The following PLPP4 variants were observed in gnomAD, a reference collection of about 807,000 sequenced individuals.
The protein encoded by PLPP4 is diacylglycerol pyrophosphate like 2.
A neutral mutation model predicts 32.2 loss-of-function variants in PLPP4; 20 were observed. That is an observed-to-expected ratio of 0.62 (90% CI 0.44 to 0.90). The LOEUF (loss-of-function observed/expected upper bound fraction) is 0.90. Ranked by LOEUF, PLPP4 falls within the 40% of genes least tolerant of loss-of-function variation. The pLI, the probability that PLPP4 is intolerant of heterozygous loss-of-function variation, is 0.00. For missense variants in PLPP4, 257 were observed against 353.1 expected (o/e 0.73, Z 2.18); for synonymous variants, 127 against 133.0 (o/e 0.95, Z 0.31).
At chr10:120,569,742 A>C (rs1232398723) in intron 5 of PLPP4, among the ~76,000 whole-genome samples, 1 of 152,224 alleles carries the variant, frequency 6.6e-6, no homozygotes, top group South Asian at 2.1e-4. Context: ...AATAGGGTCC[A>C]GGTATATTTG....
intron 5 of PLPP4, among the ~76,000 whole-genome samples, chr10:120,543,434 G>A (rs1239929724): frequency 6.6e-6 from 1 of 152,128 alleles, no homozygotes; most frequent in African/African-American, 2.4e-5. Context: ...TTGGTGCTCA[G>A]ATGAGGGTGT....
intron 5 of PLPP4, among the ~76,000 whole-genome samples, chr10:120,571,554 C>A (rs1338248555): frequency 6.6e-6 from 1 of 152,110 alleles, no homozygotes; most frequent in Non-Finnish European, 1.5e-5. Context: ...TCTTGGACAG[C>A]CTTCCTGGTT....
At chr10:120,504,316 G>T (rs1845397978) in intron 2 of PLPP4, among the ~76,000 whole-genome samples, 1 of 152,174 alleles carries the variant, frequency 6.6e-6, no homozygotes, top group Non-Finnish European at 1.5e-5. Context: ...CGTCTCCATT[G>T]GCTGGAGCCA....
chr10:120,570,727 G>T (rs796389757), intron 5 of PLPP4, among the ~76,000 whole-genome samples: 5 of 152,244 alleles, frequency 3.3e-5, no homozygotes, highest in African/African-American at 1.2e-4. Flanking sequence ...ACTCATCTGG[G>T]TTGCTGGAGA....
intron 5 of PLPP4, among the ~76,000 whole-genome samples, chr10:120,528,416 C>T (rs2133928879): frequency 6.6e-6 from 1 of 152,286 alleles, no homozygotes; most frequent in African/African-American, 2.4e-5. Flanking sequence ...ATGGCATGGG[C>T]TGCTTAGGTC....
chr10:120,551,953 T>G (rs1346564872), intron 5 of PLPP4, among the ~76,000 whole-genome samples: 8 of 152,192 alleles, frequency 5.3e-5, no homozygotes, highest in African/African-American at 1.9e-4. Flanking sequence ...TCCTAACTTT[T>G]TTTTACAATT....
intron 5 of PLPP4, among the ~76,000 whole-genome samples, chr10:120,523,408 T>G (rs935973642): frequency 1.3e-5 from 2 of 152,192 alleles, no homozygotes; most frequent in Admixed American, 6.5e-5. Flanking sequence ...CATGTTTTTT[T>G]CCTCTATGCA....
intron 1 of PLPP4, among the ~76,000 whole-genome samples, chr10:120,471,651 C>T (rs910665102): frequency 6.6e-6 from 1 of 151,978 alleles, no homozygotes; most frequent in African/African-American, 2.4e-5. Context: ...ATATGGCTCT[C>T]GTAAATAGCA....
At chr10:120,494,980 T>G (rs1304201183) in intron 1 of PLPP4, among the ~76,000 whole-genome samples, 2 of 152,106 alleles carry the variant, frequency 1.3e-5, no homozygotes, top group Non-Finnish European at 2.9e-5. Context: ...ATTGAGCTGG[T>G]GGGGAAAGCA....
In PLPP4 at chr10:120,591,022, G is replaced by A. The variant is rs146299128; in HGVS notation, c.*1520G>A. Among the ~76,000 whole-genome samples, 51 of 152,168 alleles carry A rather than the reference G, an allele frequency of 3.4e-4. No homozygotes were observed. In the East Asian group the frequency reaches 9.5e-3, roughly 28 times the overall value. On this transcript the variant is annotated 3_prime_UTR_variant, in exon 7 of 7. Coordinates refer to ENST00000398250, the MANE Select transcript of PLPP4 (RefSeq NM_001030059.3). ...AGCCTCAAGTGATCTGCCCACCTCG[G>A]CCTCCCAAAGTGCTGGGATTATAAG...
chr10:120,538,085 T>TGTGTG (rs71019774), intron 5 of PLPP4, among the ~76,000 whole-genome samples: 25 of 127,702 alleles, frequency 2.0e-4, no homozygotes, highest in South Asian at 2.9e-4. Flanking sequence ...TGTGTGTGTG[T>TGTGTG]TTTCAGATTC....
chr10:120,565,927 A>G (rs1322830798), intron 5 of PLPP4, among the ~76,000 whole-genome samples: 1 of 151,922 alleles, frequency 6.6e-6, no homozygotes, highest in Non-Finnish European at 1.5e-5. Context: ...CTATCTTTCA[A>G]TTTGCTAATT....
At chr10:120,498,334 G>C (rs554102164) in intron 1 of PLPP4, among the ~76,000 whole-genome samples, 1 of 152,144 alleles carries the variant, frequency 6.6e-6, no homozygotes. Context: ...AGGTGAGACT[G>C]GCACTGCTGC....
At chr10:120,542,627 CAT>C (rs1325271508) in intron 5 of PLPP4, among the ~76,000 whole-genome samples, 3 of 152,184 alleles carry the variant, frequency 2.0e-5, no homozygotes, top group African/African-American at 7.2e-5. Context: ...TTTTGCCCCA[CAT>C]GTGTAAACCT....
intron 1 of PLPP4, among the ~76,000 whole-genome samples, chr10:120,498,177 A>G (rs1222576817): frequency 6.6e-6 from 1 of 152,236 alleles, no homozygotes; most frequent in African/African-American, 2.4e-5. Flanking sequence ...CGTTTACTGT[A>G]GTAGTAACTT....
chr10:120,500,640 C>G (rs1845198892), intron 1 of PLPP4, among the ~76,000 whole-genome samples: 1 of 129,282 alleles, frequency 7.7e-6, no homozygotes, highest in African/African-American at 3.0e-5. Context: ...TTCTGACCAC[C>G]CTGAGCCCAC....
At chr10:120,544,630 C>G (rs186802945) in intron 5 of PLPP4, among the ~76,000 whole-genome samples, 3 of 152,340 alleles carry the variant, frequency 2.0e-5, no homozygotes, top group African/African-American at 7.2e-5. Context: ...CCTGTCCTCC[C>G]TTCTAGACTA....
intron 3 of PLPP4, 81 bp from the exon 4 acceptor site, chr10:120,518,752 T>C: frequency 9.5e-7 from 1 of 1,056,058 alleles, no homozygotes; most frequent in Non-Finnish European, 1.5e-6. Context: ...AATGTAACAG[T>C]GATGATGATG....
At chr10:120,543,523 C>T (rs1301015832) in intron 5 of PLPP4, among the ~76,000 whole-genome samples, 5 of 152,158 alleles carry the variant, frequency 3.3e-5, no homozygotes, top group African/African-American at 1.2e-4. Context: ...CTCAGCTTGT[C>T]ATTTGGCCCT....
Sources: allele counts gnomAD v4.1 joint callset (sites outside exome capture counted in the v4.1 genomes callset), GRCh38; gene constraint gnomAD v4.1.1; transcripts MANE v1.5; gene names NCBI Gene and HGNC (gene_info 2026-07-23, HGNC 2026-07-21).